The following RPS6KC1 variants were observed in gnomAD, a reference collection of about 807,000 sequenced individuals.
RPS6KC1 encodes ribosomal protein S6 kinase C1.
A neutral mutation model predicts 103.8 loss-of-function variants in RPS6KC1; 54 were observed. That is an observed-to-expected ratio of 0.52 (90% CI 0.42 to 0.65). The LOEUF (loss-of-function observed/expected upper bound fraction) is 0.65, where lower values mean the gene tolerates loss of function less well. RPS6KC1 is among the 30% of genes least tolerant of loss of function. RPS6KC1 has a pLI of 0.00. For missense variants in RPS6KC1, 1,151 were observed against 1,253.8 expected (o/e 0.92, Z 1.24); for synonymous variants, 439 against 438.7 (o/e 1.00, Z -0.01).
chr1:213,363,429 C>G, the RPS6KC1 span, among the ~76,000 whole-genome samples: 6 of 152,240 alleles, frequency 3.9e-5, 1 homozygote, highest in Non-Finnish European at 8.8e-5. Context: ...GGACCAGCTC[C>G]TCCCATCTTC....
the RPS6KC1 span, among the ~76,000 whole-genome samples, chr1:213,364,850 C>T: frequency 7.5e-4 from 114 of 151,842 alleles, 1 homozygote; most frequent in South Asian, 0.014. Flanking sequence ...TCCAGATACT[C>T]GGGAGGCTGA....
chr1:213,434,312 G>T, the RPS6KC1 span, among the ~76,000 whole-genome samples: 1 of 152,010 alleles, frequency 6.6e-6, no homozygotes, highest in African/African-American at 2.4e-5. Flanking sequence ...AGTTTTGAAA[G>T]ATATTCTTGT....
the RPS6KC1 span, among the ~76,000 whole-genome samples, chr1:213,323,566 C>G: frequency 1.3e-5 from 2 of 152,192 alleles, no homozygotes; most frequent in East Asian, 3.9e-4. Flanking sequence ...GGTTCATGCA[C>G]AAACTGAGGA....
At chr1:213,281,342 G>A in the RPS6KC1 span, among the ~76,000 whole-genome samples, 1 of 152,330 alleles carries the variant, frequency 6.6e-6, no homozygotes, top group Admixed American at 6.5e-5. Context: ...TTGAGAACAT[G>A]CTTTTTATTG....
chr1:213,602,122 C>T, the RPS6KC1 span, among the ~76,000 whole-genome samples: 36 of 27,684 alleles, frequency 1.3e-3, no homozygotes, highest in South Asian at 3.1e-3. Context: ...CTTTCTTTCT[C>T]TTTCTTTCTT....
At chr1:213,079,785 G>A (rs578028600) in intron 3 of RPS6KC1, among the ~76,000 whole-genome samples, 10 of 151,744 alleles carry the variant, frequency 6.6e-5, no homozygotes, top group Non-Finnish European at 1.5e-4. Flanking sequence ...ATTGAAGAAT[G>A]CACGATAAAA....
chr1:213,422,198 C>A, the RPS6KC1 span, among the ~76,000 whole-genome samples: 1 of 152,198 alleles, frequency 6.6e-6, no homozygotes, highest in African/African-American at 2.4e-5. Flanking sequence ...CAGCCCTCAT[C>A]TCTATGAATT....
the RPS6KC1 span, among the ~76,000 whole-genome samples, chr1:213,831,443 G>A: frequency 1.3e-5 from 2 of 152,156 alleles, no homozygotes; most frequent in Non-Finnish European, 2.9e-5. Flanking sequence ...AGCTGCAAAA[G>A]GCCAGGCAAT....
chr1:213,137,490 C>T (rs1293976525), intron 6 of RPS6KC1, among the ~76,000 whole-genome samples: 5 of 151,572 alleles, frequency 3.3e-5, no homozygotes, highest in East Asian at 1.9e-4. Context: ...TGTGCCACCA[C>T]GCCTGGCTAA....
chr1:213,541,651 GT>G, the RPS6KC1 span, among the ~76,000 whole-genome samples: 1 of 152,170 alleles, frequency 6.6e-6, no homozygotes, highest in Non-Finnish European at 1.5e-5. Context: ...AAAGCCCTGG[GT>G]GAATCTTTGA....
chr1:213,413,485 G>GT, the RPS6KC1 span, among the ~76,000 whole-genome samples: 1 of 152,146 alleles, frequency 6.6e-6, no homozygotes, highest in East Asian at 1.9e-4. Flanking sequence ...GTTGCCTGGG[G>GT]TTGCAGTCTT....
At chr1:213,424,496 T>C in the RPS6KC1 span, among the ~76,000 whole-genome samples, 1 of 152,242 alleles carries the variant, frequency 6.6e-6, no homozygotes, top group Admixed American at 6.5e-5. Context: ...TATCTCTCCA[T>C]ATGGTGCTGC....
chr1:213,448,648 T>G, the RPS6KC1 span, among the ~76,000 whole-genome samples: 1 of 152,052 alleles, frequency 6.6e-6, no homozygotes, highest in Non-Finnish European at 1.5e-5. Context: ...GTCCCGCTTC[T>G]TCTTGAGACC....
chr1:213,543,393 G>A, the RPS6KC1 span, among the ~76,000 whole-genome samples: 1 of 152,188 alleles, frequency 6.6e-6, no homozygotes, highest in Non-Finnish European at 1.5e-5. Context: ...GAAGACAGAA[G>A]ACAGGGCAGG....
At chr1:213,431,441 C>T in the RPS6KC1 span, among the ~76,000 whole-genome samples, 1 of 152,144 alleles carries the variant, frequency 6.6e-6, no homozygotes, top group African/African-American at 2.4e-5. Flanking sequence ...TCACAACACT[C>T]CCTCTTACCC....
chr1:213,291,094 G>A, the RPS6KC1 span, among the ~76,000 whole-genome samples: 1 of 152,142 alleles, frequency 6.6e-6, no homozygotes, highest in Non-Finnish European at 1.5e-5. Flanking sequence ...CCTAAGCCTG[G>A]CTTAAATAGC....
the RPS6KC1 span, among the ~76,000 whole-genome samples, chr1:213,729,546 A>G: frequency 6.6e-5 from 10 of 152,196 alleles, no homozygotes; most frequent in East Asian, 1.5e-3. Context: ...CCATTAAAGG[A>G]TCGGGGGGAG....
chr1:213,128,704 A>T (rs1205656346), intron 5 of RPS6KC1, among the ~76,000 whole-genome samples: 1 of 152,210 alleles, frequency 6.6e-6, no homozygotes, highest in Non-Finnish European at 1.5e-5. Flanking sequence ...AAAAAATGCT[A>T]AATAGCATAC....
In RPS6KC1 at chr1:213,241,535, G is replaced by A. The variant is rs1364712569; in HGVS notation, c.2059G>A (p.Gly687Arg). The A allele has an allele frequency of 6.2e-7, 1 of 1,613,940 alleles. No individual in the cohort carries two copies. Among genetic ancestry groups the A allele is most frequent in the Admixed American group, 1.7e-5 (1 of 59,960 alleles). ...AFDDVSGTDE[G>R]RPDLLVNLPG... ...TGATGATGTCAGTGGTACTGATGAAGGAAGACCTGATCTTCTTGTAAATTT... is the reference window on the plus strand; with the variant it reads ...TGATGATGTCAGTGGTACTGATGAAAGAAGACCTGATCTTCTTGTAAATTT... Residue 687 changes from glycine (G) to arginine (R), a missense_variant, in exon 11 of 15, where the codon GGA becomes AGA. Gly to Arg is a moderately radical substitution (Grantham distance 125). This residue lies in a region of RPS6KC1 where 959 missense variants were observed against 1,006.3 expected (regional missense o/e 0.95). Transcript: ENST00000366960.
Sources: allele counts gnomAD v4.1 joint callset (sites outside exome capture counted in the v4.1 genomes callset), GRCh38; gene constraint gnomAD v4.1.1; regional missense constraint gnomAD v4.1.1; transcripts MANE v1.5; gene names NCBI Gene and HGNC (gene_info 2026-07-23, HGNC 2026-07-21).